HS3ST4: variants seen among roughly 807,000 people sequenced by gnomAD.
HS3ST4 encodes heparan sulfate-glucosamine 3-sulfotransferase 4, also known as heparan sulfate glucosamine 3-O-sulfotransferase 4.
HS3ST4 carries 17 observed loss-of-function variants against 29.2 expected under a neutral mutation model. The observed-to-expected ratio is 0.58, with a 90% confidence interval of 0.40 to 0.87. The LOEUF is 0.87. HS3ST4 is among the 40% of genes least tolerant of loss of function. The pLI, the probability that HS3ST4 is intolerant of heterozygous loss-of-function variation, is 0.00. For missense variants in HS3ST4, 627 were observed against 634.5 expected (o/e 0.99, Z 0.13); for synonymous variants, 314 against 285.7 (o/e 1.10, Z -1.00).
At chr16:25,768,766 T>C (rs748375288) in intron 1 of HS3ST4, among the ~76,000 whole-genome samples, 3 of 152,194 alleles carry the variant, frequency 2.0e-5, no homozygotes. Context: ...TTGGCCCTGA[T>C]GTTTTAAGAC....
At chr16:25,815,442 G>C (rs1239198356) in intron 1 of HS3ST4, among the ~76,000 whole-genome samples, 1 of 152,150 alleles carries the variant, frequency 6.6e-6, no homozygotes, top group Non-Finnish European at 1.5e-5. Context: ...TTCTGCCTCA[G>C]CCTCACGAGT....
At chr16:26,128,806 C>A (rs1899379529) in intron 1 of HS3ST4, among the ~76,000 whole-genome samples, 1 of 152,150 alleles carries the variant, frequency 6.6e-6, no homozygotes, top group South Asian at 2.1e-4. Flanking sequence ...CTGCTCAGTG[C>A]TTGGCAAGTA....
chr16:25,724,751 A>G (rs1966520433), intron 1 of HS3ST4, among the ~76,000 whole-genome samples: 1 of 152,090 alleles, frequency 6.6e-6, no homozygotes, highest in South Asian at 2.1e-4. Flanking sequence ...AAAATTCCTC[A>G]TCCAATATTA....
intron 1 of HS3ST4, among the ~76,000 whole-genome samples, chr16:25,769,037 C>T (rs1203069367): frequency 1.3e-5 from 2 of 152,144 alleles, no homozygotes; most frequent in African/African-American, 4.8e-5. Context: ...GTTTGTGATC[C>T]TGGGTTCAAA....
intron 1 of HS3ST4, among the ~76,000 whole-genome samples, chr16:26,054,267 A>AGG (rs1324645140): frequency 2.8e-5 from 4 of 142,176 alleles, no homozygotes; most frequent in East Asian, 2.2e-4. Context: ...AGACAGAGAG[A>AGG]GGGAGAGAGA....
chr16:25,879,934 A>G (rs1246943455), intron 1 of HS3ST4, among the ~76,000 whole-genome samples: 1 of 152,084 alleles, frequency 6.6e-6, no homozygotes, highest in Non-Finnish European at 1.5e-5. Context: ...AAGCGATCAG[A>G]TCTTGTGAGA....
chr16:25,768,795 A>G (rs943212504), intron 1 of HS3ST4, among the ~76,000 whole-genome samples: 3 of 152,150 alleles, frequency 2.0e-5, no homozygotes, highest in Non-Finnish European at 4.4e-5. Flanking sequence ...ATCAGTGGCT[A>G]ATATTTTAAA....
At chr16:25,737,686 A>G (rs999785212) in intron 1 of HS3ST4, among the ~76,000 whole-genome samples, 4 of 152,190 alleles carry the variant, frequency 2.6e-5, no homozygotes, top group African/African-American at 7.2e-5. Flanking sequence ...AGTCACCACT[A>G]TGCAATATAT....
chr16:25,829,802 T>A (rs985208000), intron 1 of HS3ST4, among the ~76,000 whole-genome samples: 31 of 152,180 alleles, frequency 2.0e-4, no homozygotes, highest in African/African-American at 7.2e-4. Flanking sequence ...TACACTATTT[T>A]AAAAAATTAT....
At chr16:25,970,760 C>T (rs934501928) in intron 1 of HS3ST4, among the ~76,000 whole-genome samples, 2 of 152,028 alleles carry the variant, frequency 1.3e-5, no homozygotes, top group Non-Finnish European at 2.9e-5. Context: ...TCAAGTGATC[C>T]TCCTGCCTTC....
intron 1 of HS3ST4, among the ~76,000 whole-genome samples, chr16:25,792,835 C>CT (rs1366998845): frequency 6.6e-6 from 1 of 151,622 alleles, no homozygotes; most frequent in Non-Finnish European, 1.5e-5. Context: ...TCTTCTTCTA[C>CT]TTTTTAGTGT....
chr16:25,914,644 T>TGC (rs977473264), intron 1 of HS3ST4, among the ~76,000 whole-genome samples: 2 of 151,022 alleles, frequency 1.3e-5, no homozygotes, highest in Non-Finnish European at 3.0e-5. Flanking sequence ...TGTGTGTGTG[T>TGC]GCACGTGTGT....
intron 1 of HS3ST4, among the ~76,000 whole-genome samples, chr16:25,778,332 G>A (rs1328472237): frequency 2.0e-5 from 3 of 152,142 alleles, no homozygotes; most frequent in Non-Finnish European, 4.4e-5. Flanking sequence ...ACAATCCAGT[G>A]CCTCACCTTA....
At chr16:25,890,968 A>G (rs1390474664) in intron 1 of HS3ST4, among the ~76,000 whole-genome samples, 2 of 152,210 alleles carry the variant, frequency 1.3e-5, no homozygotes, top group African/African-American at 4.8e-5. Context: ...GGAATGAGAC[A>G]GGTAACTGAG....
At chr16:26,040,371 G>A (rs900836828) in intron 1 of HS3ST4, among the ~76,000 whole-genome samples, 20 of 149,700 alleles carry the variant, frequency 1.3e-4, no homozygotes. Flanking sequence ...TGGCATGATC[G>A]CTTCTCACTG....
At chr16:26,128,354 T>A (rs908753626) in intron 1 of HS3ST4, among the ~76,000 whole-genome samples, 1 of 152,228 alleles carries the variant, frequency 6.6e-6, no homozygotes, top group Non-Finnish European at 1.5e-5. Context: ...GTGGAATTAA[T>A]GAGGGAATAT....
At chr16:26,014,886 C>T (rs1969348441) in intron 1 of HS3ST4, among the ~76,000 whole-genome samples, 2 of 152,104 alleles carry the variant, frequency 1.3e-5, no homozygotes, top group African/African-American at 2.4e-5. Flanking sequence ...ATTGAGAGGT[C>T]CAGAGCTCTT....
At chr16:25,830,935 C>G (rs1046901939) in intron 1 of HS3ST4, among the ~76,000 whole-genome samples, 4 of 152,176 alleles carry the variant, frequency 2.6e-5, no homozygotes, top group Non-Finnish European at 4.4e-5. Flanking sequence ...CCACACTTCT[C>G]AGGATCAACT....
rs977875003 is a variant in HS3ST4 at position 25,999,272 on chromosome 16, A to T, written c.735-136340A>T. 2.0e-5 allele frequency among the ~76,000 whole-genome samples: 3 copies of T among 152,102 alleles called. No homozygotes were observed. In the East Asian group the frequency reaches 5.8e-4, roughly 29 times the overall value. On this transcript the variant is annotated intron_variant, in intron 1 of 1. Transcript: ENST00000331351. Reference sequence around the variant, plus strand: ...TGTACATGGTAGTACTAATTTCATCATTGTATTTTTTAGCATTTGGCAGTA... The same window carrying T: ...TGTACATGGTAGTACTAATTTCATCTTTGTATTTTTTAGCATTTGGCAGTA...
Sources: gnomAD v4.1 joint callset for allele counts (sites outside exome capture counted in the v4.1 genomes callset) on GRCh38, gnomAD v4.1.1 for gene constraint, MANE v1.5 for transcripts, NCBI Gene and HGNC (gene_info 2026-07-23, HGNC 2026-07-21) for gene names.